The following IFTAP variants were observed in gnomAD, a reference collection of about 807,000 sequenced individuals.
IFTAP encodes intraflagellar transport associated protein, also known as intraflagellar transport-associated protein.
Under a neutral mutation model 19.4 loss-of-function variants are expected in IFTAP, and 19 were observed. The observed-to-expected ratio is 0.98, with a 90% CI of 0.68 to 1.44. IFTAP has a LOEUF of 1.44. Among genes scored for constraint, IFTAP ranks in the 40% most tolerant of loss-of-function variants. The probability of loss-of-function intolerance (pLI) is 0.00; values close to 1 mark genes in which losing one functional copy is unlikely to be tolerated. For synonymous variants in IFTAP, 85 were observed against 83.5 expected (o/e 1.02, Z -0.10); for missense variants, 240 against 253.6 (o/e 0.95, Z 0.36).
intron 2 of IFTAP, among the ~76,000 whole-genome samples, chr11:36,630,702 A>C (rs1326508421): frequency 6.6e-6 from 1 of 151,374 alleles, no homozygotes; most frequent in East Asian, 1.9e-4. Flanking sequence ...TGTGCTTTTC[A>C]AGTATTTAAG....
Position 36,628,139 on chromosome 11 carries a change from T to C in IFTAP, c.137-5145T>C, listed in dbSNP as rs576382711. 5.3e-5 allele frequency among the ~76,000 whole-genome samples: 8 copies of C among 151,166 alleles called. No homozygotes were observed. In the South Asian group the frequency reaches 1.7e-3, roughly 31 times the overall value. Reference sequence around the variant, plus strand: ...GAACCACTTTGATCCATTCTATCCATTTGTCTTCTTAGAGCACAGCTCTAA... The same window carrying C: ...GAACCACTTTGATCCATTCTATCCACTTGTCTTCTTAGAGCACAGCTCTAA... On this transcript the variant is annotated intron_variant, in intron 2 of 5. Coordinates refer to ENST00000334307, the MANE Select transcript of IFTAP (RefSeq NM_138787.4).
intron 4 of IFTAP, among the ~76,000 whole-genome samples, chr11:36,638,276 C>G (rs915162456): frequency 2.0e-5 from 3 of 152,094 alleles, no homozygotes; most frequent in African/African-American, 7.2e-5. Context: ...TTTCAAGTTA[C>G]ATTTTTCAAT....
At chr11:36,620,030 G>A (rs1852237394) in intron 2 of IFTAP, among the ~76,000 whole-genome samples, 1 of 151,950 alleles carries the variant, frequency 6.6e-6, no homozygotes, top group Non-Finnish European at 1.5e-5. Flanking sequence ...GCTAATAAAA[G>A]TAACTAGGCA....
At chr11:36,602,354 C>T (rs1851539361) in intron 1 of IFTAP, among the ~76,000 whole-genome samples, 1 of 152,080 alleles carries the variant, frequency 6.6e-6, no homozygotes, top group Admixed American at 6.5e-5. Context: ...TGTTTAAAGT[C>T]CTGTGCATTG....
intron 1 of IFTAP, among the ~76,000 whole-genome samples, chr11:36,601,261 G>A (rs568504666): frequency 2.0e-4 from 30 of 152,336 alleles, no homozygotes; most frequent in Admixed American, 6.5e-4. Flanking sequence ...TGTTGGAAAG[G>A]TAGATGTTTG....
intron 2 of IFTAP, among the ~76,000 whole-genome samples, chr11:36,610,548 T>C (rs1034682849): frequency 1.3e-5 from 2 of 152,290 alleles, no homozygotes; most frequent in African/African-American, 4.8e-5. Flanking sequence ...GAGTGGAGGT[T>C]GTTAAAAGCC....
chr11:36,624,401 G>A (rs911685285), intron 2 of IFTAP, among the ~76,000 whole-genome samples: 3 of 152,084 alleles, frequency 2.0e-5, no homozygotes. Context: ...GCAACTTCTG[G>A]GTCATATCCT....
At chr11:36,654,106 A>G (rs1590239081) in intron 5 of IFTAP, among the ~76,000 whole-genome samples, 1 of 152,274 alleles carries the variant, frequency 6.6e-6, no homozygotes, top group East Asian at 1.9e-4. Context: ...TTGAAAAGCT[A>G]TTAGACTCTT....
In IFTAP at chr11:36,642,255, A is replaced by G. The variant is rs193116693; in HGVS notation, c.359-5761A>G. Among the ~76,000 whole-genome samples, 93 of 152,360 alleles carry G rather than the reference A, an allele frequency of 6.1e-4. 1 individual carries two copies. In the East Asian group the frequency reaches 0.015, roughly 25 times the overall value. On this transcript the variant is annotated intron_variant, in intron 4 of 5. Transcript: ENST00000334307. ...TCTACACAAATAAACTAGAAAATCT[A>G]GAAGAAATGAATAAATTCCTGGACA...
Position 36,633,348 on chromosome 11 carries a change from A to G in IFTAP, c.201A>G (p.Ala67=). 6.2e-7 allele frequency: 1 copy of G among 1,604,644 alleles called. No homozygotes were observed. The highest frequency in any genetic ancestry group is 8.5e-7 in the Non-Finnish European group (1 of 1,175,802). Residue 67 remains alanine, a synonymous_variant, in exon 3 of 6, where the codon GCA becomes GCG. Transcript: ENST00000334307. ...CTTCAGAAAACATTTTTACCTCAGC[A>G]AAAGTTACTCATAAAAATGAAGCAG... The part of the protein sequence containing the change: ...TDSSENIFTS[A]KVTHKNEADD...
intron 5 of IFTAP, among the ~76,000 whole-genome samples, chr11:36,650,501 C>T (rs1853670266): frequency 6.7e-6 from 1 of 148,466 alleles, no homozygotes; most frequent in African/African-American, 2.5e-5. Context: ...AAACATTTAA[C>T]ATTTATTTGG....
chr11:36,628,470 T>C (rs1852603728), intron 2 of IFTAP, among the ~76,000 whole-genome samples: 1 of 151,326 alleles, frequency 6.6e-6, no homozygotes, highest in Admixed American at 6.6e-5. Flanking sequence ...TCTATCTCTC[T>C]TATATCATCT....
At chr11:36,652,068 G>GT (rs1436916879) in intron 5 of IFTAP, among the ~76,000 whole-genome samples, 3 of 152,110 alleles carry the variant, frequency 2.0e-5, no homozygotes, top group African/African-American at 7.2e-5. Flanking sequence ...CTTTAAAGTA[G>GT]TTTTTTCCAA....
At chr11:36,640,164 A>G (rs570162967) in intron 4 of IFTAP, among the ~76,000 whole-genome samples, 2 of 152,324 alleles carry the variant, frequency 1.3e-5, no homozygotes, top group East Asian at 3.9e-4. Context: ...GGAACCCCTC[A>G]GAAACCCTAA....
intron 5 of IFTAP, among the ~76,000 whole-genome samples, chr11:36,654,731 C>T (rs1194535420): frequency 1.3e-5 from 2 of 152,058 alleles, no homozygotes; most frequent in African/African-American, 2.4e-5. Flanking sequence ...ACCTGCTTCC[C>T]TTTCTGCATT....
At chr11:36,599,234 C>T (rs1851410176) in intron 1 of IFTAP, among the ~76,000 whole-genome samples, 1 of 152,126 alleles carries the variant, frequency 6.6e-6, no homozygotes, top group Non-Finnish European at 1.5e-5. Context: ...CCTTGGGTGA[C>T]CCACCTGCCT....
intron 4 of IFTAP, among the ~76,000 whole-genome samples, chr11:36,647,607 G>A (rs541407835): frequency 6.6e-6 from 1 of 152,140 alleles, no homozygotes; most frequent in East Asian, 1.9e-4. Flanking sequence ...TTGCCATATT[G>A]TTACAGGATG....
At chr11:36,652,654 G>C (rs914876103) in intron 5 of IFTAP, among the ~76,000 whole-genome samples, 1 of 152,116 alleles carries the variant, frequency 6.6e-6, no homozygotes, top group Middle Eastern at 3.2e-3. Context: ...AACGCTTCCA[G>C]TTTTTGCCCA....
At position 36,630,655 on chromosome 11, in the gene IFTAP, T is replaced by C. The variant is rs368617224; in HGVS notation, c.137-2629T>C. Among the ~76,000 whole-genome samples, 16 of 151,514 alleles carry C rather than the reference T, an allele frequency of 1.1e-4. 1 individual carries two copies. In the East Asian group the frequency reaches 3.1e-3, roughly 29 times the overall value. ...GAGTGATCATGAGAACAAATAGAACTCGTCCTTGTAGAACATCTTTGATTT... is the reference window on the plus strand; with the variant it reads ...GAGTGATCATGAGAACAAATAGAACCCGTCCTTGTAGAACATCTTTGATTT... On this transcript the variant is annotated intron_variant, in intron 2 of 5. Coordinates refer to ENST00000334307, the MANE Select transcript of IFTAP (RefSeq NM_138787.4).
Sources: allele counts gnomAD v4.1 joint callset (sites outside exome capture counted in the v4.1 genomes callset), GRCh38; gene constraint gnomAD v4.1.1; transcripts MANE v1.5; gene names NCBI Gene and HGNC (gene_info 2026-07-23, HGNC 2026-07-21).